Variants in KLKB1 observed in about 807,000 individuals in gnomAD.
KLKB1 encodes the protein plasma kallikrein.
Under a neutral mutation model 73.6 loss-of-function variants are expected in KLKB1, and 58 were observed. The observed-to-expected ratio is 0.79, with a 90% CI of 0.64 to 0.98. The LOEUF is 0.98. Ranked by LOEUF, KLKB1 falls within the 50% of genes least tolerant of loss-of-function variation. The probability of loss-of-function intolerance (pLI) is 0.00; values close to 1 mark genes in which losing one functional copy is unlikely to be tolerated. For missense variants in KLKB1, 737 were observed against 763.8 expected, an observed-to-expected ratio of 0.96 and a Z score of 0.41; for synonymous variants, 280 against 258.1, an observed-to-expected ratio of 1.08 and a Z score of -0.81.
chr4:186,234,955 A>G (rs1163549912), intron 4 of KLKB1, among the ~76,000 whole-genome samples: 4 of 152,252 alleles, frequency 2.6e-5, no homozygotes, highest in African/African-American at 9.6e-5. Context: ...ATTATGCACA[A>G]TTAATTTTGT....
chr4:186,248,579 TTTGAG>T (rs1738505443), intron 6 of KLKB1, among the ~76,000 whole-genome samples: 1 of 148,862 alleles, frequency 6.7e-6, no homozygotes, highest in African/African-American at 2.5e-5. Context: ...TTGATGAACA[TTTGAG>T]TTGTTTCTGG....
At chr4:186,233,659 A>G (rs1737517003) in intron 3 of KLKB1, among the ~76,000 whole-genome samples, 1 of 152,232 alleles carries the variant, frequency 6.6e-6, no homozygotes. Flanking sequence ...ATAATTACCA[A>G]TTGAGAACAT....
chr4:186,247,105 G>C (rs879730448), intron 6 of KLKB1, among the ~76,000 whole-genome samples: 1 of 152,188 alleles, frequency 6.6e-6, no homozygotes, highest in Admixed American at 6.5e-5. Context: ...CCTTGGGCTT[G>C]TTGGTCTGAG....
rs1032812745 is a variant in KLKB1 at position 186,233,489 on chromosome 4, TATAA to T, written c.222-458_222-455del. On this transcript the variant is annotated intron_variant, in intron 3 of 14. Coordinates refer to ENST00000264690, the MANE Select transcript of KLKB1 (RefSeq NM_000892.5). Reference sequence around the variant, plus strand: ...AAGTGGAGGAAGGTTCTAGAATTCTTATAAATAATGAAATTAACATGAAGGTGGA... The same window carrying T: ...AAGTGGAGGAAGGTTCTAGAATTCTTATAATGAAATTAACATGAAGGTGGA... Among the ~76,000 whole-genome samples the T allele has an allele frequency of 9.8e-5, 15 of 152,300 alleles. No individual in the cohort carries two copies. The South Asian group carries it at 1.2e-3, about 13-fold the overall frequency.
At position 186,258,014 on chromosome 4, in the gene KLKB1, G is replaced by GACTC; in HGVS notation, c.1726-5_1726-2dup. On this transcript the variant is annotated splice_polypyrimidine_tract_variant and splice_region_variant and intron_variant, in intron 14 of 14. Coordinates refer to ENST00000264690, the MANE Select transcript of KLKB1 (RefSeq NM_000892.5). The stretch of plus-strand genomic sequence containing the variant: ...TTCTACTATTTTATTTTTCCACTGT[G>GACTC]ACTCAGGGAGATTCAGGTGGTCCCT... 6.2e-7 allele frequency: 1 copy of GACTC among 1,613,452 alleles called. No individual in the cohort carries two copies. The highest frequency in any genetic ancestry group is 8.5e-7 in the Non-Finnish European group (1 of 1,179,432).
intron 5 of KLKB1, 99 bp downstream of exon 5, chr4:186,237,039 G>A (rs111329384): frequency 2.4e-5 from 28 of 1,180,632 alleles, no homozygotes; most frequent in African/African-American, 1.4e-4. Context: ...AAACCAAACA[G>A]GGCTTTTATT....
chr4:186,232,505 A>T (rs1737448817), intron 3 of KLKB1, among the ~76,000 whole-genome samples: 1 of 152,246 alleles, frequency 6.6e-6, no homozygotes, highest in African/African-American at 2.4e-5. Context: ...TCTGCATTTT[A>T]AACAATCACT....
At chr4:186,246,228 G>A (rs888746334) in intron 6 of KLKB1, among the ~76,000 whole-genome samples, 9 of 151,922 alleles carry the variant, frequency 5.9e-5, no homozygotes, top group African/African-American at 2.2e-4. Flanking sequence ...GGAGCAGCCT[G>A]GGGAGGAGGG....
intron 4 of KLKB1, among the ~76,000 whole-genome samples, chr4:186,235,405 C>T (rs1249257300): frequency 6.6e-6 from 1 of 151,924 alleles, no homozygotes; most frequent in African/African-American, 2.4e-5. Context: ...AAGAACAATT[C>T]TAGTCAAAAG....
chr4:186,237,968 G>A (rs941998147), intron 5 of KLKB1, among the ~76,000 whole-genome samples: 5 of 151,986 alleles, frequency 3.3e-5, no homozygotes, highest in Non-Finnish European at 5.9e-5. Context: ...TTCCTGAAGC[G>A]AATTTTGGTG....
At chr4:186,227,161 C>G (rs1489482087), upstream of KLKB1, among the ~76,000 whole-genome samples, 2 of 152,272 alleles carry the variant, frequency 1.3e-5, no homozygotes, top group East Asian at 3.9e-4. Flanking sequence ...TGAGATGACA[C>G]CGGTAATGTG....
intron 7 of KLKB1, chr4:186,250,917 A>C (rs1430142768): frequency 2.5e-6 from 1 of 405,088 alleles, no homozygotes; most frequent in Admixed American, 4.3e-5. Context: ...GGCAGCATAA[A>C]TTCCCAGAAT....
At chr4:186,257,896 A>G in intron 14 of KLKB1, 125 bp from the exon 15 acceptor site, 1 of 926,830 alleles carries the variant, frequency 1.1e-6, no homozygotes, top group Non-Finnish European at 1.7e-6. Flanking sequence ...ATCTCTACAA[A>G]AAAATATGAA....
chr4:186,258,334 C>A lies in KLKB1; in HGVS notation c.*122C>A. On this transcript the variant is annotated 3_prime_UTR_variant, in exon 15 of 15. Transcript: ENST00000264690. ...TTCTTTGCATCCTAAGGACGAAAAA[C>A]ACAGTGCACTCAGAGCTGCTGAGGA... 1 of 843,044 alleles carries A rather than the reference C, an allele frequency of 1.2e-6. No individual in the cohort carries two copies. Among genetic ancestry groups the A allele is most frequent in the Non-Finnish European group, 2.0e-6 (1 of 504,308 alleles). 52.2% of individuals were successfully genotyped at this position (843,044 alleles called of 1,614,324 possible).
intron 6 of KLKB1, among the ~76,000 whole-genome samples, chr4:186,240,455 C>T (rs1737971108): frequency 6.6e-6 from 1 of 152,110 alleles, no homozygotes; most frequent in South Asian, 2.1e-4. Flanking sequence ...TGAAATGACT[C>T]TACCAGGGGT....
At chr4:186,211,782 T>C (rs1269673096) in intron 2 of KLKB1, 1 of 152,164 alleles carries the variant, frequency 6.6e-6, no homozygotes, top group Non-Finnish European at 1.5e-5. Flanking sequence ...GGACCAGTTA[T>C]GACAAGAATA....
At chr4:186,244,600 A>G (rs1215408095) in intron 6 of KLKB1, among the ~76,000 whole-genome samples, 1 of 152,150 alleles carries the variant, frequency 6.6e-6, no homozygotes, top group Non-Finnish European at 1.5e-5. Flanking sequence ...CATGTTTGAG[A>G]TCCAGAACAG....
upstream of KLKB1, among the ~76,000 whole-genome samples, chr4:186,225,830 A>G (rs778771838): frequency 2.0e-5 from 3 of 152,072 alleles, no homozygotes; most frequent in Non-Finnish European, 4.4e-5. Flanking sequence ...AGAGTTTTCT[A>G]TTCTTATTTT....
intron 6 of KLKB1, among the ~76,000 whole-genome samples, chr4:186,241,741 G>T (rs1423997914): frequency 1.3e-5 from 2 of 152,140 alleles, no homozygotes; most frequent in South Asian, 4.1e-4. Flanking sequence ...GATAAACGAA[G>T]CTGGTTGATA....
Sources: allele counts gnomAD v4.1 joint callset (sites outside exome capture counted in the v4.1 genomes callset), GRCh38; gene constraint gnomAD v4.1.1; transcripts MANE v1.5; gene names NCBI Gene and HGNC (gene_info 2026-07-23, HGNC 2026-07-21).